SYT14: variants seen among roughly 807,000 people sequenced by gnomAD.
The protein encoded by SYT14 is synaptotagmin 14.
SYT14 carries 32 observed loss-of-function variants against 74.2 expected under a neutral mutation model. That is an observed-to-expected ratio of 0.43 (90% CI 0.33 to 0.58). The LOEUF is 0.58. Ranked by LOEUF, SYT14 falls within the 20% of genes least tolerant of loss-of-function variation. The pLI, the probability that SYT14 is intolerant of heterozygous loss-of-function variation, is 0.05. For missense variants in SYT14, 791 were observed against 981.8 expected (o/e 0.81, Z 2.60); for synonymous variants, 298 against 337.7 (o/e 0.88, Z 1.29).
At chr1:210,006,934 C>A (rs965992071) in intron 2 of SYT14, among the ~76,000 whole-genome samples, 1 of 151,592 alleles carries the variant, frequency 6.6e-6, no homozygotes, top group Non-Finnish European at 1.5e-5. Flanking sequence ...ATTTTCTTAG[C>A]TAGAAAATGT....
At chr1:209,995,602 C>T (rs779938215) in intron 2 of SYT14, among the ~76,000 whole-genome samples, 9 of 152,074 alleles carry the variant, frequency 5.9e-5, no homozygotes, top group Non-Finnish European at 8.8e-5. Flanking sequence ...AATGAAACTC[C>T]GGACTTAAAC....
intron 7 of SYT14, among the ~76,000 whole-genome samples, chr1:210,120,139 C>CTT (rs141940091): frequency 6.7e-6 from 1 of 149,666 alleles, no homozygotes; most frequent in Non-Finnish European, 1.5e-5. Flanking sequence ...TACTAAATTA[C>CTT]TTTTTTTTTT....
chr1:210,075,289 T>C (rs1215793968), intron 5 of SYT14, among the ~76,000 whole-genome samples: 4 of 152,046 alleles, frequency 2.6e-5, no homozygotes, highest in African/African-American at 7.2e-5. Flanking sequence ...GCTGATGTGT[T>C]CTTCTTGACG....
At chr1:210,150,457 CCT>C (rs2083135723) in intron 7 of SYT14, among the ~76,000 whole-genome samples, 1 of 152,166 alleles carries the variant, frequency 6.6e-6, no homozygotes, top group African/African-American at 2.4e-5. Context: ...GCTCTTTCTT[CCT>C]CTCTCCTGAA....
chr1:210,056,832 C>G (rs2081107534), intron 5 of SYT14, among the ~76,000 whole-genome samples: 1 of 93,808 alleles, frequency 1.1e-5, no homozygotes, highest in South Asian at 3.2e-4. Context: ...CCAGTTGTTA[C>G]TATTATTATT....
chr1:210,054,574 G>A (rs1478683216), intron 5 of SYT14, among the ~76,000 whole-genome samples: 1 of 152,040 alleles, frequency 6.6e-6, no homozygotes, highest in Non-Finnish European at 1.5e-5. Flanking sequence ...ATATGTAACA[G>A]TGATACGTAG....
chr1:210,029,594 C>T (rs900069503), intron 5 of SYT14, among the ~76,000 whole-genome samples: 1 of 152,122 alleles, frequency 6.6e-6, no homozygotes, highest in Non-Finnish European at 1.5e-5. Context: ...TATTTCAGGA[C>T]TCTCTGTTTC....
chr1:209,946,043 A>G (rs946160266), intron 1 of SYT14, among the ~76,000 whole-genome samples: 3 of 152,166 alleles, frequency 2.0e-5, no homozygotes, highest in African/African-American at 7.2e-5. Flanking sequence ...CTTTGATGCT[A>G]CTATTGTAAT....
At chr1:210,099,908 G>A in intron 6 of SYT14, 104 bp from the exon 6 acceptor site, 1 of 1,129,568 alleles carries the variant, frequency 8.9e-7, no homozygotes, top group East Asian at 2.6e-5. Context: ...TTTCTTTGTG[G>A]CAGAATTGTT....
At chr1:210,053,714 G>A (rs956521289) in intron 5 of SYT14, among the ~76,000 whole-genome samples, 1 of 152,120 alleles carries the variant, frequency 6.6e-6, no homozygotes, top group Non-Finnish European at 1.5e-5. Context: ...TCAACTTCTG[G>A]TACCAATCTC....
intron 7 of SYT14, among the ~76,000 whole-genome samples, chr1:210,111,743 C>T (rs982954252): frequency 4.6e-5 from 7 of 150,984 alleles, no homozygotes; most frequent in Non-Finnish European, 8.8e-5. Flanking sequence ...ACACGAAGTC[C>T]GAATAATAGG....
At chr1:210,130,779 A>T (rs1203283328) in intron 7 of SYT14, among the ~76,000 whole-genome samples, 2 of 152,318 alleles carry the variant, frequency 1.3e-5, no homozygotes, top group East Asian at 3.8e-4. Context: ...CTCTATGAGG[A>T]TATATACAGA....
At chr1:210,085,147 A>G (rs769732861) in intron 5 of SYT14, among the ~76,000 whole-genome samples, 1 of 152,226 alleles carries the variant, frequency 6.6e-6, no homozygotes, top group Non-Finnish European at 1.5e-5. Flanking sequence ...ATTTGATGTT[A>G]CCTGATGCTA....
chr1:210,008,888 G>A (rs2080036992), intron 2 of SYT14, among the ~76,000 whole-genome samples: 1 of 152,130 alleles, frequency 6.6e-6, no homozygotes, highest in African/African-American at 2.4e-5. Context: ...TATTAGGGAG[G>A]TATGAATCAG....
chr1:210,131,485 T>C (rs1208766448), intron 7 of SYT14, among the ~76,000 whole-genome samples: 3 of 151,994 alleles, frequency 2.0e-5, no homozygotes, highest in African/African-American at 7.2e-5. Context: ...TCATGCCTTA[T>C]GCCACTTTTT....
chr1:209,977,149 A>G (rs1350177369), intron 2 of SYT14, among the ~76,000 whole-genome samples: 1 of 152,024 alleles, frequency 6.6e-6, no homozygotes, highest in African/African-American at 2.4e-5. Flanking sequence ...ATTGGTCTTG[A>G]CTGTTTGTCC....
chr1:209,983,924 G>A (rs115621880), intron 2 of SYT14, among the ~76,000 whole-genome samples: 24 of 152,222 alleles, frequency 1.6e-4, no homozygotes, highest in Admixed American at 9.8e-4. Context: ...GACTATTTTT[G>A]AAAAGTCTTT....
At chr1:210,013,553 AC>A (rs2080125831) in intron 2 of SYT14, 79 bp from the exon 3 acceptor site, 1 of 1,331,846 alleles carries the variant, frequency 7.5e-7, no homozygotes, top group Admixed American at 2.0e-5. Flanking sequence ...TAGTAAGCTA[AC>A]TTAATGTTTG....
intron 7 of SYT14, among the ~76,000 whole-genome samples, chr1:210,151,123 A>G (rs1022658551): frequency 6.6e-6 from 1 of 152,344 alleles, no homozygotes; most frequent in African/African-American, 2.4e-5. Context: ...GAAGTAAAAT[A>G]TTATGCAAGA....
Sources: gnomAD v4.1 joint callset for allele counts (sites outside exome capture counted in the v4.1 genomes callset) on GRCh38, gnomAD v4.1.1 for gene constraint, MANE v1.5 for transcripts, NCBI Gene and HGNC (gene_info 2026-07-23, HGNC 2026-07-21) for gene names.